The following DMD variants were observed in gnomAD, a reference collection of about 807,000 sequenced individuals.
The protein encoded by DMD is mutant dystrophin.
A neutral mutation model predicts 330.1 loss-of-function variants in DMD; 63 were observed. The ratio of observed to expected loss-of-function variants is 0.19; its 90% confidence interval spans 0.16 to 0.24. The LOEUF is 0.24. DMD is among the 10% of genes least tolerant of loss of function. The pLI is 1.00. For missense variants in DMD, 3,344 were observed against 2,684.1 expected (o/e 1.25, Z -5.43); for synonymous variants, 1,223 against 959.8 (o/e 1.27, Z -5.07).
At chrX:32,219,586 A>G (rs1326621497) in intron 43 of DMD, among the ~76,000 whole-genome samples, 1 of 111,548 alleles carries the variant, frequency 9.0e-6, no homozygotes, top group Non-Finnish European at 1.9e-5. Context: ...TCCTCCTGCT[A>G]CCACAGTCTG....
intron 50 of DMD, among the ~76,000 whole-genome samples, chrX:31,801,582 C>A (rs2092064936): frequency 1.4e-5 from 1 of 69,321 alleles, no homozygotes; most frequent in African/African-American, 5.0e-5. Context: ...TGTCCTCATC[C>A]CCCCCCCCCA....
intron 50 of DMD, among the ~76,000 whole-genome samples, chrX:31,795,197 T>C (rs1020256370): frequency 8.9e-6 from 1 of 112,203 alleles, no homozygotes; most frequent in East Asian, 2.8e-4. Flanking sequence ...TCTTCGATTC[T>C]AAGCCAGTCA....
chrX:31,154,903 T>G (rs1180666134), intron 74 of DMD, among the ~76,000 whole-genome samples: 1 of 104,864 alleles, frequency 9.5e-6, no homozygotes, highest in Non-Finnish European at 1.9e-5. Context: ...CTGTAGCCAG[T>G]CATCCTAAAA....
intron 47 of DMD, among the ~76,000 whole-genome samples, chrX:31,899,124 T>C (rs1419710807): frequency 8.9e-6 from 1 of 112,039 alleles, no homozygotes; most frequent in East Asian, 2.8e-4. Flanking sequence ...TATAAACTTA[T>C]ATTCAATTGC....
chrX:31,378,890 T>C (rs1012488346), intron 60 of DMD, among the ~76,000 whole-genome samples: 4 of 111,166 alleles, frequency 3.6e-5, no homozygotes, highest in African/African-American at 9.8e-5. Context: ...GCGATGCCAC[T>C]TGACCCCAGT....
chrX:31,356,940 T>TTTTTTTTTG (rs2058706383), intron 60 of DMD, among the ~76,000 whole-genome samples: 1 of 107,184 alleles, frequency 9.3e-6, no homozygotes. Flanking sequence ...TTTTTTTTTT[T>TTTTTTTTTG]TTTTTGGTCT....
At chrX:31,562,150 A>G (rs1351388093) in intron 55 of DMD, among the ~76,000 whole-genome samples, 1 of 112,426 alleles carries the variant, frequency 8.9e-6, no homozygotes, top group Non-Finnish European at 1.9e-5. Context: ...AGCTCTAACT[A>G]GACTAAATAA....
At chrX:32,579,958 A>G (rs1302453626) in intron 13 of DMD, among the ~76,000 whole-genome samples, 1 of 112,009 alleles carries the variant, frequency 8.9e-6, no homozygotes, top group Non-Finnish European at 1.9e-5. Flanking sequence ...AAATCTGGAA[A>G]AGCCTTTTGT....
chrX:31,507,591 A>C (rs1397627879), intron 55 of DMD, 138 bp from the exon 56 acceptor site: 16 of 608,502 alleles, frequency 2.6e-5, no homozygotes, highest in Non-Finnish European at 3.8e-5. Context: ...ACTAACAAGA[A>C]GATACATCTC....
chrX:32,316,318 C>A (rs1383258472), intron 41 of DMD, among the ~76,000 whole-genome samples: 5 of 111,699 alleles, frequency 4.5e-5, no homozygotes, highest in Non-Finnish European at 9.4e-5. Context: ...AGTAATCTTT[C>A]AAAAATTTTT....
chrX:33,130,119 C>A (rs1158548955), intron 1 of DMD, among the ~76,000 whole-genome samples: 1 of 111,574 alleles, frequency 9.0e-6, no homozygotes, highest in Non-Finnish European at 1.9e-5. Flanking sequence ...AAGTTACTGA[C>A]TTGAGGAGGA....
chrX:32,540,506 A>G (rs1355970659), intron 17 of DMD, among the ~76,000 whole-genome samples: 1 of 111,757 alleles, frequency 8.9e-6, no homozygotes, highest in Admixed American at 9.6e-5. Flanking sequence ...CAGGATGGTC[A>G]CGTTTATTAT....
intron 30 of DMD, among the ~76,000 whole-genome samples, chrX:32,410,025 C>A (rs963250769): frequency 2.7e-5 from 3 of 111,462 alleles, no homozygotes; most frequent in Non-Finnish European, 5.7e-5. Context: ...CATTATGACT[C>A]AAACTGGGAC....
intron 26 of DMD, among the ~76,000 whole-genome samples, chrX:32,451,242 T>C (rs1407404381): frequency 1.8e-5 from 2 of 110,910 alleles, no homozygotes; most frequent in Non-Finnish European, 3.8e-5. Flanking sequence ...GGCCCAGCAC[T>C]CTGTGTATTA....
At chrX:32,215,315 A>C (rs937096229) in intron 44 of DMD, among the ~76,000 whole-genome samples, 1 of 111,411 alleles carries the variant, frequency 9.0e-6, no homozygotes, top group Non-Finnish European at 1.9e-5. Context: ...TCTAAATTTG[A>C]TGAAATGTTA....
At chrX:32,428,486 G>A (rs943245912) in intron 29 of DMD, among the ~76,000 whole-genome samples, 1 of 111,692 alleles carries the variant, frequency 9.0e-6, no homozygotes, top group Admixed American at 9.5e-5. Context: ...ACTAACTTTT[G>A]TCTGGTGTCT....
At chrX:32,510,246 C>A (rs927160104) in intron 18 of DMD, among the ~76,000 whole-genome samples, 6 of 111,705 alleles carry the variant, frequency 5.4e-5, no homozygotes, top group African/African-American at 9.8e-5. Context: ...ACACGCTTAC[C>A]TTTTCCCTGA....
intron 66 of DMD, among the ~76,000 whole-genome samples, chrX:31,206,118 G>A (rs893191184): frequency 1.8e-5 from 2 of 112,518 alleles, no homozygotes; most frequent in Admixed American, 9.4e-5. Flanking sequence ...TAAAATGTTA[G>A]TCACGTCACG....
At chrX:32,664,673 C>G (rs144120655) in intron 9 of DMD, among the ~76,000 whole-genome samples, 1 of 111,727 alleles carries the variant, frequency 9.0e-6, no homozygotes, top group African/African-American at 3.3e-5. Context: ...AAACTATTGA[C>G]GAAGCAGATG....
Sources: allele counts gnomAD v4.1 joint callset (sites outside exome capture counted in the v4.1 genomes callset), GRCh38; gene constraint gnomAD v4.1.1; transcripts MANE v1.5; gene names NCBI Gene and HGNC (gene_info 2026-07-23, HGNC 2026-07-21).